The following NFATC3 variants were observed in gnomAD, a reference collection of about 807,000 sequenced individuals.
The protein encoded by NFATC3 is nuclear factor of activated T cells 3.
NFATC3 carries 46 observed loss-of-function variants against 98.6 expected under a neutral mutation model. The observed-to-expected ratio is 0.47, with a 90% CI of 0.37 to 0.60. NFATC3 has a LOEUF of 0.60. Ranked by LOEUF, NFATC3 falls within the 20% of genes least tolerant of loss-of-function variation. The probability of loss-of-function intolerance (pLI) is 0.00; values close to 1 mark genes in which losing one functional copy is unlikely to be tolerated. For synonymous variants in NFATC3, 512 were observed against 472.2 expected (o/e 1.08, Z -1.09); for missense variants, 1,256 against 1,295.5 (o/e 0.97, Z 0.47).
rs1378260463 is a variant in NFATC3 at position 68,152,144 on chromosome 16, CT to C, written c.1402-5723del. ...TTGAGAGGCCAAGGTGGACGGATCA[CT>C]TGAGGTCAGGAGTTCAAGACCAGCC... On this transcript the variant is annotated intron_variant, in intron 3 of 9. Coordinates refer to ENST00000346183, the MANE Select transcript of NFATC3 (RefSeq NM_173165.3). Among the ~76,000 whole-genome samples the C allele has an allele frequency of 8.1e-5, 12 of 148,558 alleles. No individual in the cohort carries two copies. In the Admixed American group the frequency reaches 8.1e-4, roughly 10 times the overall value.
At chr16:68,124,089 G>C (rs546914909) in intron 2 of NFATC3, among the ~76,000 whole-genome samples, 23 of 152,138 alleles carry the variant, frequency 1.5e-4, no homozygotes, top group African/African-American at 5.3e-4. Context: ...ATTCCCACAT[G>C]GAGTTGTGCC....
chr16:68,213,722 G>A (rs2151164220), intron 9 of NFATC3, among the ~76,000 whole-genome samples: 1 of 151,658 alleles, frequency 6.6e-6, no homozygotes, highest in Non-Finnish European at 1.5e-5. Flanking sequence ...CCAGCTACTA[G>A]GGAGGCTGAG....
At chr16:68,216,187 G>A in intron 9 of NFATC3, among the ~76,000 whole-genome samples, 1 of 152,110 alleles carries the variant, frequency 6.6e-6, no homozygotes, top group Non-Finnish European at 1.5e-5. Flanking sequence ...CTCAGGTTTG[G>A]CCCTTAGAGA....
chr16:68,138,929 C>A, intron 3 of NFATC3: 1 of 412,802 alleles, frequency 2.4e-6, no homozygotes, highest in Non-Finnish European at 4.0e-6. Flanking sequence ...CTTAACCTTT[C>A]TTTCTAGACC....
chr16:68,209,708 G>T, intron 9 of NFATC3: 1 of 459,556 alleles, frequency 2.2e-6, no homozygotes, highest in South Asian at 1.6e-5. Flanking sequence ...TAGGGGGAAT[G>T]GTTAGGTCTC....
intron 9 of NFATC3, among the ~76,000 whole-genome samples, chr16:68,211,314 A>G (rs1265391570): frequency 1.3e-5 from 2 of 151,286 alleles, no homozygotes; most frequent in Non-Finnish European, 2.9e-5. Context: ...CAGCCTCTCG[A>G]GTAGCTGGGA....
chr16:68,180,032 G>C (rs8045861), intron 6 of NFATC3, among the ~76,000 whole-genome samples: 2 of 152,146 alleles, frequency 1.3e-5, no homozygotes, highest in African/African-American at 4.8e-5. Flanking sequence ...CAAAGACACA[G>C]CATTTCCGTG....
chr16:68,181,056 T>G (rs1405488740), intron 6 of NFATC3, among the ~76,000 whole-genome samples: 1 of 152,230 alleles, frequency 6.6e-6, no homozygotes, highest in Non-Finnish European at 1.5e-5. Flanking sequence ...TATTTCTAGT[T>G]CTAGATCTTT....
intron 2 of NFATC3, among the ~76,000 whole-genome samples, chr16:68,123,992 C>T (rs1319319763): frequency 6.7e-6 from 1 of 149,736 alleles, no homozygotes; most frequent in African/African-American, 2.5e-5. Flanking sequence ...CACCACCCCC[C>T]TACAAAAAAA....
At chr16:68,091,809 A>C (rs1211793780) in intron 1 of NFATC3, among the ~76,000 whole-genome samples, 5 of 152,226 alleles carry the variant, frequency 3.3e-5, no homozygotes. Context: ...TAGACACAGC[A>C]GACTTGGCAG....
chr16:68,111,195 G>A (rs2035927186), intron 1 of NFATC3, among the ~76,000 whole-genome samples: 1 of 152,134 alleles, frequency 6.6e-6, no homozygotes, highest in Admixed American at 6.5e-5. Flanking sequence ...TTTTTGTCTC[G>A]ATGATCTGTC....
At chr16:68,138,466 T>G (rs771925405) in intron 3 of NFATC3, 1 of 1,246,912 alleles carries the variant, frequency 8.0e-7, no homozygotes, top group Non-Finnish European at 1.0e-6. Flanking sequence ...ACCAAAAAAA[T>G]TTTTTAAAAG....
intron 1 of NFATC3, among the ~76,000 whole-genome samples, chr16:68,105,657 G>A (rs1487329283): frequency 6.6e-6 from 1 of 152,128 alleles, no homozygotes; most frequent in Non-Finnish European, 1.5e-5. Context: ...TTGGAAGAAT[G>A]TGAGAAGTAG....
rs2041048804 is a variant in NFATC3 at position 68,204,254 on chromosome 16, C to T, written c.3106+12479C>T. Reference sequence around the variant, plus strand: ...GTGAACGCCTGTAATTTCAGCTACTCATGAGGCTGAGGCAGGAGAATCACT... The same window carrying T: ...GTGAACGCCTGTAATTTCAGCTACTTATGAGGCTGAGGCAGGAGAATCACT... On this transcript the variant is annotated intron_variant, in intron 9 of 9. Coordinates refer to ENST00000346183, the MANE Select transcript of NFATC3 (RefSeq NM_173165.3). Among the ~76,000 whole-genome samples the T allele has an allele frequency of 3.4e-5, 5 of 148,626 alleles. No homozygotes were observed. In the South Asian group the frequency reaches 1.1e-3, roughly 32 times the overall value.
chr16:68,201,957 CAAAAAAAAAA>C (rs778770193), intron 9 of NFATC3, among the ~76,000 whole-genome samples: 4 of 23,638 alleles, frequency 1.7e-4, no homozygotes, highest in East Asian at 2.3e-3. Flanking sequence ...GACTCCATCT[CAAAAAAAAAA>C]AAAAAAAAAA....
In NFATC3 at chr16:68,227,795, C is replaced by T. The variant is rs1016311596; in HGVS notation, c.*1324C>T. Reference sequence around the variant, plus strand: ...CCAAAGGAGGTACCCGAGTTGGGTACTTTAAAAAAAAAAAAAACCTGCCCT... The same window carrying T: ...CCAAAGGAGGTACCCGAGTTGGGTATTTTAAAAAAAAAAAAAACCTGCCCT... On this transcript the variant is annotated 3_prime_UTR_variant, in exon 10 of 10. Coordinates refer to ENST00000346183, the MANE Select transcript of NFATC3 (RefSeq NM_173165.3). The T allele has an allele frequency of 6.7e-6, 1 of 149,772 alleles. No homozygotes were observed. The highest frequency in any genetic ancestry group is 1.5e-5 in the Non-Finnish European group (1 of 67,582). The allele number at this position is 149,772 out of a possible 1,614,324, so 9.3% of individuals were successfully genotyped here. A position where few individuals can be genotyped will look rare whatever the true frequency, so the allele number is the denominator to read the frequency against.
intron 9 of NFATC3, among the ~76,000 whole-genome samples, chr16:68,207,700 C>T (rs895332110): frequency 9.2e-5 from 14 of 152,134 alleles, no homozygotes; most frequent in Non-Finnish European, 1.9e-4. Context: ...GACCTCAGGT[C>T]ACCCACCCTC....
intron 3 of NFATC3, among the ~76,000 whole-genome samples, chr16:68,126,862 T>C (rs2036858836): frequency 6.6e-6 from 1 of 152,098 alleles, no homozygotes; most frequent in South Asian, 2.1e-4. Flanking sequence ...CAAATAGCCG[T>C]TTTTCTGACA....
At chr16:68,146,301 G>A (rs559545608) in intron 3 of NFATC3, among the ~76,000 whole-genome samples, 1 of 152,030 alleles carries the variant, frequency 6.6e-6, no homozygotes, top group South Asian at 2.1e-4. Flanking sequence ...GTGTAGTGAT[G>A]TGATTCTGTA....
Sources: gnomAD v4.1 joint callset for allele counts (sites outside exome capture counted in the v4.1 genomes callset) on GRCh38, gnomAD v4.1.1 for gene constraint, MANE v1.5 for transcripts, NCBI Gene and HGNC (gene_info 2026-07-23, HGNC 2026-07-21) for gene names.